The following PRPSAP1 variants were observed in gnomAD, a reference collection of about 807,000 sequenced individuals.
PRPSAP1 encodes phosphoribosyl pyrophosphate synthase-associated protein 1.
A neutral mutation model predicts 39.4 loss-of-function variants in PRPSAP1; 31 were observed. The ratio of observed to expected loss-of-function variants is 0.79; its 90% CI spans 0.59 to 1.06. The LOEUF is 1.06. PRPSAP1 is among the 50% of genes least tolerant of loss of function. The pLI, the probability that PRPSAP1 is intolerant of heterozygous loss-of-function variation, is 0.00. For missense variants in PRPSAP1, 430 were observed against 511.6 expected (o/e 0.84, Z 1.54); for synonymous variants, 212 against 192.6 (o/e 1.10, Z -0.83).
Position 76,332,546 on chromosome 17 carries a change from T to C in PRPSAP1, c.291-111A>G. ...TGCCCAGATGGGTGTTGTGGGAATT[T>C]TACCATCACACTAGCTTACAATGGC... On this transcript the variant is annotated intron_variant, in intron 3 of 9. Coordinates refer to ENST00000446526, the MANE Select transcript of PRPSAP1 (RefSeq NM_002766.3). 4.0e-6 allele frequency: 5 copies of C among 1,247,464 alleles called. No homozygotes were observed. The South Asian group carries it at 5.7e-5, about 14-fold the overall frequency. 77.3% of individuals were successfully genotyped at this position (1,247,464 alleles called of 1,614,324 possible). A position where few individuals can be genotyped will look rare whatever the true frequency, so the allele number is the denominator to read the frequency against.
intron 3 of PRPSAP1, among the ~76,000 whole-genome samples, chr17:76,335,093 T>C (rs1336114645): frequency 6.6e-6 from 1 of 152,144 alleles, no homozygotes; most frequent in Non-Finnish European, 1.5e-5. Context: ...GAGACTCTTT[T>C]GTTTAAAAGA....
intron 9 of PRPSAP1, 82 bp downstream of exon 9, chr17:76,312,788 A>C (rs1168938526): frequency 1.3e-6 from 2 of 1,501,454 alleles, no homozygotes; most frequent in African/African-American, 2.8e-5. Context: ...CAGATTAAGC[A>C]ATTTAGTATT....
At chr17:76,353,984 T>G (rs761763216), upstream of PRPSAP1, 21 of 1,276,894 alleles carry the variant, frequency 1.6e-5, no homozygotes, top group Non-Finnish European at 2.1e-5. Flanking sequence ...CCATCTCGGA[T>G]GAGGGCAGGG....
chr17:76,331,804 C>G (rs2071324834), intron 4 of PRPSAP1, among the ~76,000 whole-genome samples: 1 of 151,956 alleles, frequency 6.6e-6, no homozygotes, highest in Non-Finnish European at 1.5e-5. Flanking sequence ...AAAGCGTGCC[C>G]CCGCCACACA....
intron 3 of PRPSAP1, among the ~76,000 whole-genome samples, chr17:76,340,145 CAAAA>C (rs71161288): frequency 1.3e-5 from 1 of 77,770 alleles, no homozygotes. Context: ...GGCCTTGTCT[CAAAA>C]AAAAAAAAAA....
intron 7 of PRPSAP1, chr17:76,314,495 G>A (rs1017743918): frequency 5.2e-5 from 8 of 152,734 alleles, no homozygotes; most frequent in Non-Finnish European, 1.2e-4. Flanking sequence ...GGGATTACAA[G>A]CTTGAGCCAC....
intron 2 of PRPSAP1, 86 bp from the exon 3 acceptor site, chr17:76,344,823 G>C: frequency 1.0e-6 from 1 of 986,042 alleles, no homozygotes; most frequent in Non-Finnish European, 1.5e-6. Flanking sequence ...CTTCATGCCG[G>C]GCGCGGTGGC....
intron 6 of PRPSAP1, 54 bp downstream of exon 6, chr17:76,329,989 T>C: frequency 6.5e-7 from 1 of 1,544,934 alleles, no homozygotes; most frequent in African/African-American, 1.4e-5. Context: ...AAGCAGCTCA[T>C]TCTGACTTCG....
chr17:76,349,149 AC>A (rs772644590), intron 1 of PRPSAP1, among the ~76,000 whole-genome samples: 2 of 151,820 alleles, frequency 1.3e-5, no homozygotes, highest in Non-Finnish European at 2.9e-5. Flanking sequence ...CGTCTAAAAT[AC>A]AAAATCAGCT....
At chr17:76,341,234 G>GTTTTTTTTTTT (rs5822126) in intron 3 of PRPSAP1, among the ~76,000 whole-genome samples, 18 of 119,966 alleles carry the variant, frequency 1.5e-4, no homozygotes, top group South Asian at 2.7e-4. Context: ...ACTTTTTTTT[G>GTTTTTTTTTTT]TTTTTTTTTT....
rs550573965 is a variant in PRPSAP1, at chr17:76,348,987, T to G, written c.171-406A>C. 4.9e-4 allele frequency among the ~76,000 whole-genome samples: 74 copies of G among 151,050 alleles called. 1 individual carries two copies. The highest frequency in any genetic ancestry group is 8.4e-4 in the Non-Finnish European group (57 of 67,678). On this transcript the variant is annotated intron_variant, in intron 1 of 9. Transcript: ENST00000446526. ...GACCAAATGTGGTGTGGATCTTGTT[T>G]GGATCCTAATTAGAATAAACCAAGT...
intron 7 of PRPSAP1, among the ~76,000 whole-genome samples, chr17:76,325,629 C>T (rs1283828927): frequency 7.3e-6 from 1 of 137,146 alleles, no homozygotes; most frequent in African/African-American, 2.8e-5. Flanking sequence ...GACAGAGTCT[C>T]GCTCTGTCAC....
chr17:76,325,898 G>T (rs753372569), intron 7 of PRPSAP1, among the ~76,000 whole-genome samples: 2 of 152,010 alleles, frequency 1.3e-5, no homozygotes, highest in East Asian at 3.9e-4. Flanking sequence ...GAGCCATTGC[G>T]CCTGGCCAAC....
rs1233010182 is a variant in PRPSAP1 at position 76,310,363 on chromosome 17, T to C, written c.*1179A>G. On this transcript the variant is annotated 3_prime_UTR_variant, in exon 10 of 10. Transcript: ENST00000446526. ...TTTTGTATTTTTAGTAGAGACGGGG[T>C]TTTGCCATGTTGGCCAGGCTGGTCT... 1 of 152,088 alleles carries C rather than the reference T, an allele frequency of 6.6e-6. No individual in the cohort carries two copies. The highest frequency in any genetic ancestry group is 1.9e-4 in the East Asian group (1 of 5,166). The allele number at this position is 152,088 out of a possible 1,614,324, so 9.4% of individuals were successfully genotyped here. A position where few individuals can be genotyped will look rare whatever the true frequency, so the allele number is the denominator to read the frequency against.
intron 7 of PRPSAP1, among the ~76,000 whole-genome samples, chr17:76,320,422 G>GC (rs2071182907): frequency 2.3e-5 from 2 of 86,976 alleles, no homozygotes; most frequent in Non-Finnish European, 2.2e-5. Flanking sequence ...TGCAGATAAT[G>GC]CTTTTTTTTT....
Position 76,328,729 on chromosome 17 carries a change from GGCCTGGGTGCACA to G in PRPSAP1, c.756_768del (p.Val253TrpfsTer5). On this transcript the variant is annotated frameshift_variant, in exon 7 of 10. Coordinates refer to ENST00000446526, the MANE Select transcript of PRPSAP1 (RefSeq NM_002766.3). LOFTEE classifies it high-confidence loss of function. ...GAGCTCATCTTACATGGCAACTCCA[GGCCTGGGTGCACA>G]GTAGCATTTTTGACCATAGGCGGGG... 3 of 1,614,036 alleles carry G rather than the reference GGCCTGGGTGCACA, an allele frequency of 1.9e-6. No homozygotes were observed. Among genetic ancestry groups the G allele is most frequent in the Non-Finnish European group, 2.5e-6 (3 of 1,180,006 alleles).
intron 3 of PRPSAP1, among the ~76,000 whole-genome samples, chr17:76,334,532 C>G (rs1038337508): frequency 6.6e-6 from 1 of 152,198 alleles, no homozygotes; most frequent in Admixed American, 6.5e-5. Flanking sequence ...TTTATTCTGA[C>G]AATGTTTTCC....
At chr17:76,312,831 A>G (rs752191612) in intron 9 of PRPSAP1, 39 bp downstream of exon 9, 1 of 1,581,144 alleles carries the variant, frequency 6.3e-7, no homozygotes, top group South Asian at 1.2e-5. Flanking sequence ...CAGAAAACAC[A>G]GCAGTAAATC....
At chr17:76,328,614 C>CAAAA in intron 7 of PRPSAP1, 103 bp downstream of exon 7, 1 of 1,407,318 alleles carries the variant, frequency 7.1e-7, no homozygotes, top group Non-Finnish European at 9.6e-7. Context: ...ATCTCAAAAA[C>CAAAA]AAAACAAAAC....
Sources: allele counts gnomAD v4.1 joint callset (sites outside exome capture counted in the v4.1 genomes callset), GRCh38; gene constraint gnomAD v4.1.1; transcripts MANE v1.5; gene names NCBI Gene and HGNC (gene_info 2026-07-23, HGNC 2026-07-21).